The following TEX35 variants were observed in gnomAD, a reference collection of about 807,000 sequenced individuals.
TEX35 encodes testis expressed 35, also known as testis-expressed protein 35.
A neutral mutation model predicts 31.9 loss-of-function variants in TEX35; 26 were observed. The observed-to-expected ratio is 0.81, with a 90% CI of 0.60 to 1.13. The LOEUF is 1.13. Among genes scored for constraint, TEX35 ranks in the 50% most tolerant of loss-of-function variants. TEX35 has a pLI of 0.00. For synonymous variants in TEX35, 87 were observed against 90.7 expected (o/e 0.96, Z 0.23); for missense variants, 278 against 273.5 (o/e 1.02, Z -0.12).
intron 7 of TEX35, 46 bp downstream of exon 7, chr1:178,520,920 G>C (rs926290203): frequency 1.2e-6 from 2 of 1,607,510 alleles, no homozygotes; most frequent in Non-Finnish European, 1.7e-6. Flanking sequence ...CAGACCCCTG[G>C]CTCCGGCTCC....
intron 1 of TEX35, 105 bp from the exon 2 acceptor site, chr1:178,513,922 C>T: frequency 7.4e-7 from 1 of 1,356,688 alleles, no homozygotes; most frequent in Non-Finnish European, 1.0e-6. Flanking sequence ...GGCAGGGTTG[C>T]ATGGTTGTGG....
chr1:178,515,709 T>C (rs1465559983), intron 3 of TEX35, 150 bp from the exon 4 acceptor site: 2 of 653,550 alleles, frequency 3.1e-6, no homozygotes, highest in Admixed American at 5.3e-5. Context: ...ACCTGGTCTA[T>C]CCTATTGTCT....
downstream of TEX35, chr1:178,523,337 T>C (rs746066726): frequency 4.3e-5 from 30 of 692,692 alleles, no homozygotes; most frequent in African/African-American, 4.9e-4. Flanking sequence ...GGATCTATGG[T>C]AGCTCAATTT....
chr1:178,523,452 C>T (rs1389210918), downstream of TEX35: 1 of 476,766 alleles, frequency 2.1e-6, no homozygotes, highest in Non-Finnish European at 3.7e-6. Context: ...GGGTCAAGTT[C>T]TTAATGGCTG....
downstream of TEX35, chr1:178,523,300 A>G (rs897843443): frequency 7.1e-6 from 5 of 701,648 alleles, no homozygotes; most frequent in Non-Finnish European, 1.0e-5. Flanking sequence ...TCTTTCTTGT[A>G]GGTATATACG....
intron 8 of TEX35, 89 bp downstream of exon 8, chr1:178,521,353 A>C: frequency 6.9e-7 from 1 of 1,443,948 alleles, no homozygotes; most frequent in Non-Finnish European, 9.8e-7. Context: ...TTCACATCAC[A>C]CCCCTCCTGA....
chr1:178,522,893 G>T (rs1445900548), downstream of TEX35, among the ~76,000 whole-genome samples: 1 of 152,120 alleles, frequency 6.6e-6, no homozygotes, highest in East Asian at 1.9e-4. Context: ...TCAAATGGTA[G>T]GTCTAATTTA....
intron 8 of TEX35, chr1:178,521,817 A>T: frequency 1.3e-6 from 2 of 1,538,814 alleles, no homozygotes; most frequent in Middle Eastern, 1.7e-4. Flanking sequence ...GCCAAAGGGG[A>T]TGTCATGGTT....
chr1:178,521,029 T>A, intron 7 of TEX35, 155 bp downstream of exon 7: 1 of 1,540,274 alleles, frequency 6.5e-7, no homozygotes, highest in Non-Finnish European at 8.7e-7. Context: ...CTCCCTGACC[T>A]GCCTTGCCTT....
At chr1:178,522,877 G>A (rs1650334942), downstream of TEX35, among the ~76,000 whole-genome samples, 1 of 152,160 alleles carries the variant, frequency 6.6e-6, no homozygotes, top group Non-Finnish European at 1.5e-5. Flanking sequence ...TCACCCTGTT[G>A]TGCTATCAAA....
At chr1:178,517,311 C>G (rs1436197716) in intron 5 of TEX35, among the ~76,000 whole-genome samples, 1 of 152,216 alleles carries the variant, frequency 6.6e-6, no homozygotes, top group African/African-American at 2.4e-5. Context: ...AACAGCCTCT[C>G]TGCCTGGGAT....
rs145658868 is a variant in TEX35 at position 178,520,775 on chromosome 1, A to G, written c.444A>G (p.Gly148=). The G allele has an allele frequency of 1.8e-5, 29 of 1,614,140 alleles. No individual in the cohort carries two copies. In the African/African-American group the frequency reaches 2.8e-4, roughly 16 times the overall value. The change falls in exon 7 of 9, where the codon GGA becomes GGG. Residue 148 remains glycine (G), a synonymous_variant. Transcript: ENST00000319416. ...CCAAGAAAATGGATGGAGCCAGTGG[A>G]GTCAATGGAGCACCCTGTGCTCTTC... The part of the protein sequence containing the change: ...LRPKKMDGAS[G]VNGAPCALHK...
In TEX35 at chr1:178,522,365, A is replaced by G. The variant is rs367832115; in HGVS notation, c.627A>G (p.Gly209=). The G allele has an allele frequency of 8.1e-6, 13 of 1,606,376 alleles. No individual in the cohort carries two copies. In the African/African-American group the frequency reaches 1.6e-4, roughly 20 times the overall value. Residue 209 remains glycine (G), a synonymous_variant, in exon 9 of 9, where the codon GGA becomes GGG. Coordinates refer to ENST00000319416, the MANE Select transcript of TEX35 (RefSeq NM_032126.5). The stretch of plus-strand genomic sequence containing the variant: ...AGGCCTCAGGCCTTTACAAAGGTGG[A>G]GAGGAGCCAGTGACCACCCAACCTT... The part of the protein sequence containing the change: ...PSEASGLYKG[G]EEPVTTQPSV...
chr1:178,517,852 T>G (rs1650135445), intron 5 of TEX35, among the ~76,000 whole-genome samples: 1 of 152,186 alleles, frequency 6.6e-6, no homozygotes, highest in Admixed American at 6.5e-5. Context: ...TAAGTAAATA[T>G]GTAAATAGAA....
At chr1:178,517,260 G>A (rs1007764530) in intron 5 of TEX35, among the ~76,000 whole-genome samples, 4 of 152,134 alleles carry the variant, frequency 2.6e-5, no homozygotes, top group Non-Finnish European at 5.9e-5. Context: ...TCAGCCCAAC[G>A]ATAACCAAAC....
At chr1:178,519,004 G>A (rs1430674316) in intron 5 of TEX35, among the ~76,000 whole-genome samples, 2 of 152,172 alleles carry the variant, frequency 1.3e-5, no homozygotes, top group African/African-American at 4.8e-5. Context: ...TGAAAGACAT[G>A]CAGACAAGCT....
At chr1:178,521,882 A>G (rs1407516049) in intron 8 of TEX35, 2 of 1,444,912 alleles carry the variant, frequency 1.4e-6, no homozygotes, top group East Asian at 2.5e-5. Flanking sequence ...TTGGTTCTAT[A>G]TCAGTGTATT....
At chr1:178,513,942 G>GGCAGGGC in intron 1 of TEX35, 85 bp from the exon 2 acceptor site, 1 of 1,514,876 alleles carries the variant, frequency 6.6e-7, no homozygotes. Flanking sequence ...GGGGGCAGGG[G>GGCAGGGC]GCAGGGTTCC....
chr1:178,520,456 G>A lies in TEX35; in HGVS notation c.341+20G>A, dbSNP rs759783335. 4.5e-5 allele frequency: 73 copies of A among 1,613,948 alleles called. No individual in the cohort carries two copies. Among genetic ancestry groups the A allele is most frequent in the South Asian group, 4.4e-4 (40 of 91,060 alleles). On this transcript the variant is annotated intron_variant, in intron 6 of 8. Transcript: ENST00000319416. ...TAAGCTGTAAGTGTAACCTGCACTC[G>A]TCTCTCCTCATCCCTAAAGGGTCTC...
Sources: allele counts gnomAD v4.1 joint callset (sites outside exome capture counted in the v4.1 genomes callset), GRCh38; gene constraint gnomAD v4.1.1; transcripts MANE v1.5; gene names NCBI Gene and HGNC (gene_info 2026-07-23, HGNC 2026-07-21).